VPS13D: variants seen among roughly 807,000 people sequenced by gnomAD.
The protein encoded by VPS13D is vacuolar protein sorting 13 homolog D, also known as intermembrane lipid transfer protein VPS13D.
In VPS13D, 187 loss-of-function variants were observed where a neutral mutation model predicts 461.9. The observed-to-expected ratio is 0.40, with a 90% CI of 0.36 to 0.46. The LOEUF (loss-of-function observed/expected upper bound fraction) is 0.46, where lower values mean the gene tolerates loss of function less well. VPS13D is among the 20% of genes least tolerant of loss of function. The pLI is 0.60. For synonymous variants in VPS13D, 1,951 were observed against 1,986.3 expected (o/e 0.98, Z 0.47); for missense variants, 4,711 against 5,364.9 (o/e 0.88, Z 3.81).
intron 25 of VPS13D, among the ~76,000 whole-genome samples, chr1:12,301,198 C>T (rs1187313050): frequency 6.6e-6 from 1 of 152,218 alleles, no homozygotes; most frequent in Non-Finnish European, 1.5e-5. Flanking sequence ...TTCCCCCATA[C>T]TAACCATTTT....
In VPS13D at chr1:12,275,877, T is replaced by C. The variant is rs954612058; in HGVS notation, c.2289T>C (p.Phe763=). 6.2e-7 allele frequency: 1 copy of C among 1,613,370 alleles called. No homozygotes were observed. Among genetic ancestry groups the C allele is most frequent in the African/African-American group, 1.3e-5 (1 of 74,886 alleles). The change falls in exon 19 of 70, where the codon TTT becomes TTC. Residue 763 remains phenylalanine, a synonymous_variant. Coordinates refer to ENST00000620676, the MANE Select transcript of VPS13D (RefSeq NM_015378.4). ...GGTCAGCATCTGAAGAGACCCAGTT[T>C]AGTGATGATGAATATAAGACCCCCC... ...RDGSASEETQ[F]SDDEYKTPLA...
intron 65 of VPS13D, among the ~76,000 whole-genome samples, chr1:12,442,312 TTATA>T (rs1645141019): frequency 6.6e-6 from 1 of 152,200 alleles, no homozygotes; most frequent in Non-Finnish European, 1.5e-5. Flanking sequence ...TTTGAATTTA[TTATA>T]TATTTTATAC....
Position 12,497,547 on chromosome 1 carries a change from A to C in VPS13D, c.12710A>C (p.Gln4237Pro). Reference protein sequence around the residue: ...VRKPRCCTGPQGLLPRYSESQ... With the variant: ...VRKPRCCTGPPGLLPRYSESQ... ...AAACCGCGTTGCTGCACGGGGCCCC[A>C]GGGGCTGCTTCCCCGATATTCTGAG... The change falls in exon 68 of 70, where the codon CAG (glutamine) becomes CCG (proline). Residue 4237 changes from glutamine (Q) to proline (P), a missense_variant. Gln to Pro is a moderately conservative substitution (Grantham distance 76, BLOSUM62 -1). Transcript: ENST00000620676. 2 of 1,614,128 alleles carry C rather than the reference A, an allele frequency of 1.2e-6. No individual in the cohort carries two copies. Among genetic ancestry groups the C allele is most frequent in the East Asian group, 2.2e-5 (1 of 44,876 alleles).
At chr1:12,481,690 A>G (rs898248491) in intron 67 of VPS13D, among the ~76,000 whole-genome samples, 2 of 152,172 alleles carry the variant, frequency 1.3e-5, no homozygotes, top group African/African-American at 4.8e-5. Flanking sequence ...TTCAAAGCAA[A>G]GTTGATTTGG....
chr1:12,301,666 T>C (rs534733967), intron 25 of VPS13D, among the ~76,000 whole-genome samples: 1 of 152,316 alleles, frequency 6.6e-6, no homozygotes, highest in East Asian at 1.9e-4. Flanking sequence ...ATTGGCCATT[T>C]GTGATTAGAC....
chr1:12,230,688 A>T (rs990641263), intron 1 of VPS13D, among the ~76,000 whole-genome samples: 5 of 149,936 alleles, frequency 3.3e-5, no homozygotes, highest in African/African-American at 1.2e-4. Flanking sequence ...ACCTCTCTTT[A>T]CCTTTTGCCC....
chr1:12,373,652 T>C (rs887275369), intron 54 of VPS13D, 98 bp from the exon 55 acceptor site: 1 of 652,120 alleles, frequency 1.5e-6, no homozygotes, highest in Non-Finnish European at 2.1e-6. Flanking sequence ...ATAAAAGTTT[T>C]GGGCATTTGC....
intron 2 of VPS13D, among the ~76,000 whole-genome samples, chr1:12,235,910 G>C (rs1348420750): frequency 2.0e-5 from 3 of 152,296 alleles, no homozygotes; most frequent in East Asian, 3.9e-4. Flanking sequence ...TGCAGACCAC[G>C]ACCCTGCTAA....
chr1:12,476,971 C>T (rs1004875558), intron 67 of VPS13D, among the ~76,000 whole-genome samples: 2 of 152,234 alleles, frequency 1.3e-5, no homozygotes, highest in Non-Finnish European at 2.9e-5. Context: ...TGACTTTTCA[C>T]CTGCAGATAG....
Position 12,354,214 on chromosome 1 carries a change from T to G in VPS13D, c.9672T>G (p.Ile3224Met), listed in dbSNP as rs772680329. The G allele has an allele frequency of 4.3e-6, 7 of 1,613,978 alleles. No homozygotes were observed. In the African/African-American group the frequency reaches 6.7e-5, roughly 15 times the overall value. Residue 3224 changes from isoleucine (I) to methionine (M), a missense_variant, in exon 47 of 70, where the codon ATT becomes ATG. Around this residue, in one of 3 missense-constraint regions of VPS13D, gnomAD observed 4,411 missense variants for 4,937.8 expected, o/e 0.89. Transcript: ENST00000620676. ...ATACAGCTGATACATCCCAGAACAT[T>G]GAGCTGGGTAAGAATGTAGTCAGAT... ...ALHTADTSQN[I>M]ELGVSLENFP...
At chr1:12,460,510 C>A in intron 67 of VPS13D, 114 bp downstream of exon 67, 1 of 989,950 alleles carries the variant, frequency 1.0e-6, no homozygotes, top group South Asian at 4.0e-5. Flanking sequence ...GTTTTTAATT[C>A]AAATACTTGT....
Position 12,276,520 on chromosome 1 carries a change from C to G in VPS13D, c.2932C>G (p.Leu978Val). ...VESNGRYISV[L>V]KVFGTNAHFV... ...GAGCAATGGCCGGTACATTTCTGTG[C>G]TCAAGGTGTTTGGTACCAATGCTCA... is the stretch of plus-strand genomic sequence containing the variant. Residue 978 changes from leucine (L) to valine (V), a missense_variant, in exon 19 of 70, where the codon CTC (leucine) becomes GTC (valine). By Grantham distance (32) the Leu-to-Val change is conservative. Coordinates refer to ENST00000620676, the MANE Select transcript of VPS13D (RefSeq NM_015378.4). This position sits in a 1 kb window ranked among gnomAD's most constrained non-coding sequence, Gnocchi z 4.5. The G allele has an allele frequency of 6.2e-7, 1 of 1,614,132 alleles. No individual in the cohort carries two copies.
intron 2 of VPS13D, among the ~76,000 whole-genome samples, chr1:12,240,083 C>G (rs1404997612): frequency 6.6e-6 from 1 of 152,130 alleles, no homozygotes; most frequent in African/African-American, 2.4e-5. Flanking sequence ...TTGCCAGATT[C>G]ATTTGCTTTT....
intron 63 of VPS13D, among the ~76,000 whole-genome samples, chr1:12,413,045 G>T (rs1292630622): frequency 1.3e-5 from 2 of 152,166 alleles, no homozygotes; most frequent in Non-Finnish European, 2.9e-5. Context: ...GCATTTAAAA[G>T]TTGCTTAATC....
intron 40 of VPS13D, among the ~76,000 whole-genome samples, chr1:12,339,922 T>C (rs190950204): frequency 1.2e-3 from 190 of 152,336 alleles, no homozygotes; most frequent in African/African-American, 4.3e-3. Flanking sequence ...ACCTGTTCTT[T>C]TTAAATCTAA....
rs1164778009 is a variant in VPS13D, at chr1:12,511,522, C to T, written c.*2498C>T. On this transcript the variant is annotated 3_prime_UTR_variant, in exon 70 of 70. Transcript: ENST00000620676. The surrounding 1 kb of genome is among the most constrained non-coding windows in gnomAD (Gnocchi z 4.5). ...GATATTCAGCCAGCAATGCCTAAGA[C>T]TTTGTTAAGATCATTTCTACTGCTT... The T allele has an allele frequency of 1.3e-5, 2 of 152,250 alleles. No individual in the cohort carries two copies. The highest frequency in any genetic ancestry group is 2.9e-5 in the Non-Finnish European group (2 of 68,042). The allele number at this position is 152,250 out of a possible 1,614,324, so 9.4% of individuals were successfully genotyped here. A position where few individuals can be genotyped will look rare whatever the true frequency, so the allele number is the denominator to read the frequency against.
chr1:12,362,576 A>T, intron 50 of VPS13D, 144 bp from the exon 51 acceptor site: 3 of 820,446 alleles, frequency 3.7e-6, no homozygotes, highest in Non-Finnish European at 3.9e-6. Flanking sequence ...TTTTCATTAC[A>T]TTCCTAGAAG....
rs200300879 is a variant in VPS13D, at chr1:12,257,940, G to A, written c.947G>A (p.Arg316Gln). Reference protein sequence around the residue: ...KPKVAISKNCREWWYFALNAN... With the variant: ...KPKVAISKNCQEWWYFALNAN... ...ATCGTTATGGACTATTTCAGCTGCC[G>A]AGAATGGTGGTATTTTGCTTTGAAT... Residue 316 changes from arginine to glutamine, a missense_variant, in exon 10 of 70, where the codon CGA becomes CAA. Coordinates refer to ENST00000620676, the MANE Select transcript of VPS13D (RefSeq NM_015378.4). 5 of 1,614,146 alleles carry A rather than the reference G, an allele frequency of 3.1e-6. No homozygotes were observed. The highest frequency in any genetic ancestry group is 3.4e-6 in the Non-Finnish European group (4 of 1,180,028).
At chr1:12,446,928 T>G (rs898319359) in intron 65 of VPS13D, among the ~76,000 whole-genome samples, 5 of 152,150 alleles carry the variant, frequency 3.3e-5, no homozygotes, top group African/African-American at 1.2e-4. Context: ...AGCCTCCTAT[T>G]TCTTTGGGAC....
Sources: allele counts gnomAD v4.1 joint callset (sites outside exome capture counted in the v4.1 genomes callset), GRCh38; gene constraint gnomAD v4.1.1; regional missense constraint gnomAD v4.1.1; non-coding constraint Gnocchi (gnomAD v3.1); transcripts MANE v1.5; gene names NCBI Gene and HGNC (gene_info 2026-07-23, HGNC 2026-07-21).